The following LHFPL3 variants were observed in gnomAD, a reference collection of about 807,000 sequenced individuals.
The protein encoded by LHFPL3 is LHFPL tetraspan subfamily member 3.
Under a neutral mutation model 19.3 loss-of-function variants are expected in LHFPL3, and 5 were observed. The ratio of observed to expected loss-of-function variants is 0.26; its 90% CI spans 0.14 to 0.54. The LOEUF is 0.54. Ranked by LOEUF, LHFPL3 falls within the 20% of genes least tolerant of loss-of-function variation. LHFPL3 has a pLI of 0.94. For missense variants in LHFPL3, 249 were observed against 307.4 expected, an observed-to-expected ratio of 0.81 and a Z score of 1.42; for synonymous variants, 133 against 126.2, an observed-to-expected ratio of 1.05 and a Z score of -0.36.
intron 2 of LHFPL3, among the ~76,000 whole-genome samples, chr7:104,795,450 G>C (rs13243476): frequency 6.6e-6 from 1 of 151,978 alleles, no homozygotes; most frequent in African/African-American, 2.4e-5. Context: ...TTAAGACAGC[G>C]ATTCTTCTAA....
chr7:104,547,434 T>C (rs1255799732), intron 1 of LHFPL3, among the ~76,000 whole-genome samples: 1 of 151,958 alleles, frequency 6.6e-6, no homozygotes, highest in African/African-American at 2.4e-5. Flanking sequence ...ATTCCAGGGG[T>C]TGAAATCTGG....
chr7:104,339,790 C>A (rs1047654463), intron 1 of LHFPL3, among the ~76,000 whole-genome samples: 1 of 152,216 alleles, frequency 6.6e-6, no homozygotes, highest in Non-Finnish European at 1.5e-5. Context: ...TGCGGTGATT[C>A]TTTTCCCCTA....
At chr7:104,681,215 C>T (rs531411992) in intron 1 of LHFPL3, among the ~76,000 whole-genome samples, 4 of 149,178 alleles carry the variant, frequency 2.7e-5, no homozygotes, top group Admixed American at 6.7e-5. Flanking sequence ...TCTATCTCCC[C>T]TTGTAAAATG....
chr7:104,859,438 G>A (rs1791572526), intron 2 of LHFPL3, among the ~76,000 whole-genome samples: 1 of 152,048 alleles, frequency 6.6e-6, no homozygotes, highest in Non-Finnish European at 1.5e-5. Context: ...GGAGGCTGAG[G>A]CAGGCGGATC....
At chr7:104,511,947 T>TTC (rs1554402384) in intron 1 of LHFPL3, among the ~76,000 whole-genome samples, 14 of 144,334 alleles carry the variant, frequency 9.7e-5, no homozygotes, top group African/African-American at 3.6e-4. Flanking sequence ...TCCTTTTCTT[T>TTC]TTTTTTTTTT....
intron 1 of LHFPL3, among the ~76,000 whole-genome samples, chr7:104,707,527 T>C (rs929654690): frequency 6.6e-6 from 1 of 152,160 alleles, no homozygotes; most frequent in African/African-American, 2.4e-5. Context: ...TCAAGGAACT[T>C]GTTACCTTAA....
At chr7:104,614,680 C>CTTCCTTCTTTCTTTCT (rs767634683) in intron 1 of LHFPL3, among the ~76,000 whole-genome samples, 1 of 94,416 alleles carries the variant, frequency 1.1e-5, no homozygotes, top group Non-Finnish European at 2.2e-5. Context: ...TCCTTCCTTC[C>CTTCCTTCTTTCTTTCT]TTCTTTCTTT....
At chr7:104,720,548 A>C (rs908146873) in intron 1 of LHFPL3, among the ~76,000 whole-genome samples, 1 of 152,218 alleles carries the variant, frequency 6.6e-6, no homozygotes, top group Non-Finnish European at 1.5e-5. Context: ...AATGGGATCT[A>C]ATTAAACTAA....
intron 1 of LHFPL3, among the ~76,000 whole-genome samples, chr7:104,696,475 TAC>T (rs1792998863): frequency 6.6e-6 from 1 of 150,992 alleles, no homozygotes; most frequent in African/African-American, 2.4e-5. Context: ...TGTGTGTGCT[TAC>T]ATATATGTGT....
intron 1 of LHFPL3, among the ~76,000 whole-genome samples, chr7:104,451,606 A>G (rs1792440641): frequency 9.4e-6 from 1 of 106,538 alleles, no homozygotes; most frequent in African/African-American, 2.9e-5. Flanking sequence ...TTTGGTAAAA[A>G]CATCCTTTTT....
intron 2 of LHFPL3, among the ~76,000 whole-genome samples, chr7:104,873,161 A>T (rs931503302): frequency 6.6e-6 from 1 of 152,210 alleles, no homozygotes; most frequent in Non-Finnish European, 1.5e-5. Context: ...ACTAGACAAG[A>T]GTATTCTAAT....
At chr7:104,383,278 G>C (rs1790866108) in intron 1 of LHFPL3, among the ~76,000 whole-genome samples, 1 of 152,232 alleles carries the variant, frequency 6.6e-6, no homozygotes, top group Non-Finnish European at 1.5e-5. Flanking sequence ...GTTTCAGATA[G>C]TGTAAGTACA....
intron 2 of LHFPL3, among the ~76,000 whole-genome samples, chr7:104,764,134 T>C (rs1006364268): frequency 2.0e-5 from 3 of 152,174 alleles, no homozygotes; most frequent in Non-Finnish European, 4.4e-5. Flanking sequence ...TGGCACACAC[T>C]TGCCCAGAAA....
chr7:104,769,829 A>G (rs1197209590), intron 2 of LHFPL3, among the ~76,000 whole-genome samples: 1 of 143,592 alleles, frequency 7.0e-6, no homozygotes, highest in African/African-American at 2.6e-5. Flanking sequence ...TGGCACATAT[A>G]TGCCGTGGAA....
At chr7:104,718,611 A>G (rs2116239446) in intron 1 of LHFPL3, among the ~76,000 whole-genome samples, 1 of 152,328 alleles carries the variant, frequency 6.6e-6, no homozygotes, top group East Asian at 1.9e-4. Context: ...GTGCAGGAAG[A>G]CATTTAGTCA....
At chr7:104,783,645 C>A (rs1359602397) in intron 2 of LHFPL3, among the ~76,000 whole-genome samples, 1 of 152,142 alleles carries the variant, frequency 6.6e-6, no homozygotes. Flanking sequence ...GTACAGGATA[C>A]CTAACTACAA....
rs10708859 is a variant in LHFPL3 at position 104,476,451 on chromosome 7, C to CT, written c.445+147240dup. ...GAAATCAATGCTCTTTAGCTTCCCT[C>CT]TTTTTTTTTTTTTATTTTTATTTTT... On this transcript the variant is annotated intron_variant, in intron 1 of 2. Transcript: ENST00000424859. Among the ~76,000 whole-genome samples the CT allele has an allele frequency of 4.3e-3, 639 of 147,632 alleles. 4 individuals carry two copies. Among genetic ancestry groups the CT allele is most frequent in the Middle Eastern group, 0.035 (10 of 284 alleles).
At chr7:104,682,746 G>A (rs1431108607) in intron 1 of LHFPL3, among the ~76,000 whole-genome samples, 3 of 152,160 alleles carry the variant, frequency 2.0e-5, no homozygotes, top group Non-Finnish European at 2.9e-5. Context: ...GACACTGTTA[G>A]GATTTGATCG....
chr7:104,666,509 A>ATTTTTTTTTTTTTTTTTTTTT (rs1315147894), intron 1 of LHFPL3, among the ~76,000 whole-genome samples: 2 of 44,160 alleles, frequency 4.5e-5, no homozygotes, highest in African/African-American at 1.4e-4. Flanking sequence ...ACAGGATTTC[A>ATTTTTTTTTTTTTTTTTTTTT]TTCTTTTTTT....
Sources: gnomAD v4.1 joint callset for allele counts (sites outside exome capture counted in the v4.1 genomes callset) on GRCh38, gnomAD v4.1.1 for gene constraint, MANE v1.5 for transcripts, NCBI Gene and HGNC (gene_info 2026-07-23, HGNC 2026-07-21) for gene names.